Variants in MACROD2 observed in about 807,000 individuals in gnomAD.
MACROD2 encodes mono-ADP ribosylhydrolase 2.
A neutral mutation model predicts 70.4 loss-of-function variants in MACROD2; 36 were observed. The ratio of observed to expected loss-of-function variants is 0.51; its 90% confidence interval spans 0.39 to 0.68. MACROD2 has a LOEUF of 0.68. MACROD2 is among the 30% of genes least tolerant of loss of function. The pLI is 0.00. For synonymous variants in MACROD2, 172 were observed against 178.8 expected (o/e 0.96, Z 0.30); for missense variants, 496 against 538.4 (o/e 0.92, Z 0.78).
intron 5 of MACROD2, among the ~76,000 whole-genome samples, chr20:14,862,618 T>A (rs1189403646): frequency 6.6e-5 from 1 of 15,238 alleles, no homozygotes; most frequent in Non-Finnish European, 1.3e-4. Context: ...TATATATAAA[T>A]ATATATATAT....
intron 8 of MACROD2, among the ~76,000 whole-genome samples, chr20:15,528,261 A>G (rs1032661784): frequency 6.6e-6 from 1 of 152,056 alleles, no homozygotes; most frequent in African/African-American, 2.4e-5. Context: ...CAGCCTCCTG[A>G]GTAGCTGGGA....
Position 15,375,778 on chromosome 20 carries a change from T to G in MACROD2, c.541-55627T>G, listed in dbSNP as rs563638383. On this transcript the variant is annotated intron_variant, in intron 6 of 17. Coordinates refer to ENST00000684519, the MANE Select transcript of MACROD2 (RefSeq NM_001351661.2). The stretch of plus-strand genomic sequence containing the variant: ...AAATTATCATAATGCTATGATAGTT[T>G]TAGCATCTAAACTAGCCTAAAAAGG... Among the ~76,000 whole-genome samples, 3 of 152,308 alleles carry G rather than the reference T, an allele frequency of 2.0e-5. No homozygotes were observed. The South Asian group carries it at 6.2e-4, about 32-fold the overall frequency.
At chr20:14,233,087 T>C (rs1447870783) in intron 3 of MACROD2, among the ~76,000 whole-genome samples, 1 of 152,182 alleles carries the variant, frequency 6.6e-6, no homozygotes, top group Non-Finnish European at 1.5e-5. Flanking sequence ...CACACATTTA[T>C]AGATTAAGTT....
intron 1 of MACROD2, among the ~76,000 whole-genome samples, chr20:14,001,669 G>T (rs1244747630): frequency 6.6e-6 from 1 of 152,148 alleles, no homozygotes; most frequent in Non-Finnish European, 1.5e-5. Flanking sequence ...ATTGGCATCT[G>T]TTAGGTCTTC....
intron 3 of MACROD2, among the ~76,000 whole-genome samples, chr20:14,194,860 A>G (rs965607918): frequency 1.3e-5 from 2 of 152,236 alleles, no homozygotes; most frequent in Non-Finnish European, 2.9e-5. Context: ...AAACATACCA[A>G]CAAGCTTGAG....
At chr20:15,428,601 C>A (rs943159343) in intron 6 of MACROD2, among the ~76,000 whole-genome samples, 23 of 152,318 alleles carry the variant, frequency 1.5e-4, no homozygotes, top group African/African-American at 5.1e-4. Flanking sequence ...CTTATCACTT[C>A]ACCCAATTAA....
chr20:14,846,844 G>T (rs1266457625), intron 5 of MACROD2, among the ~76,000 whole-genome samples: 2 of 152,050 alleles, frequency 1.3e-5, no homozygotes, highest in East Asian at 3.9e-4. Context: ...AGCACTTTAG[G>T]TTTTAATTAA....
chr20:16,016,661 G>A (rs939749156), intron 15 of MACROD2, among the ~76,000 whole-genome samples: 1 of 152,092 alleles, frequency 6.6e-6, no homozygotes. Flanking sequence ...TCAGCCTCCC[G>A]AGTAGCTGGG....
chr20:15,588,404 C>G (rs993194959), intron 8 of MACROD2, among the ~76,000 whole-genome samples: 2 of 152,116 alleles, frequency 1.3e-5, no homozygotes, highest in African/African-American at 2.4e-5. Context: ...ATTTTCCTCA[C>G]GGTCTTAGGG....
At chr20:14,105,918 G>T (rs2054362443) in intron 3 of MACROD2, among the ~76,000 whole-genome samples, 1 of 152,160 alleles carries the variant, frequency 6.6e-6, no homozygotes, top group Non-Finnish European at 1.5e-5. Context: ...GTCCTGGCAG[G>T]ATTCATCACC....
At chr20:14,053,525 A>G (rs1229694934) in intron 2 of MACROD2, 1 of 152,176 alleles carries the variant, frequency 6.6e-6, no homozygotes, top group Non-Finnish European at 1.5e-5. Flanking sequence ...CATTTCATCC[A>G]AGGATGAATG....
intron 5 of MACROD2, among the ~76,000 whole-genome samples, chr20:15,163,376 ACAAT>A (rs1179351247): frequency 6.6e-6 from 1 of 152,036 alleles, no homozygotes; most frequent in African/African-American, 2.4e-5. Context: ...ATGTTATTAG[ACAAT>A]CAAAGATTGA....
chr20:15,292,523 G>C (rs117898784), intron 6 of MACROD2, among the ~76,000 whole-genome samples: 1 of 152,156 alleles, frequency 6.6e-6, no homozygotes, highest in South Asian at 2.1e-4. Context: ...TGGGGACACA[G>C]CCAAACCCTA....
At chr20:14,810,488 G>A (rs2072695834) in intron 5 of MACROD2, among the ~76,000 whole-genome samples, 1 of 152,090 alleles carries the variant, frequency 6.6e-6, no homozygotes, top group Non-Finnish European at 1.5e-5. Context: ...ATATCATACT[G>A]AATGAACAAA....
chr20:15,039,327 G>A (rs1431410540), intron 5 of MACROD2, among the ~76,000 whole-genome samples: 1 of 152,146 alleles, frequency 6.6e-6, no homozygotes, highest in African/African-American at 2.4e-5. Context: ...AAGACACCTG[G>A]CACAAGAAGC....
intron 8 of MACROD2, among the ~76,000 whole-genome samples, chr20:15,846,195 T>C (rs145302123): frequency 1.5e-4 from 23 of 152,324 alleles, no homozygotes; most frequent in Admixed American, 4.6e-4. Flanking sequence ...AACTTTGCAA[T>C]TGACCAGAAC....
intron 3 of MACROD2, among the ~76,000 whole-genome samples, chr20:14,402,009 A>C (rs1472124337): frequency 6.6e-6 from 1 of 152,136 alleles, no homozygotes; most frequent in Non-Finnish European, 1.5e-5. Context: ...GGCTTTGTCA[A>C]TTATTTTAAT....
At chr20:14,005,716 C>T (rs1463418395) in intron 2 of MACROD2, among the ~76,000 whole-genome samples, 1 of 151,976 alleles carries the variant, frequency 6.6e-6, no homozygotes, top group Non-Finnish European at 1.5e-5. Flanking sequence ...AATTCTCCTG[C>T]TGAGCTCCTG....
At chr20:14,668,170 C>T (rs916776137) in intron 4 of MACROD2, among the ~76,000 whole-genome samples, 4 of 151,530 alleles carry the variant, frequency 2.6e-5, no homozygotes, top group Non-Finnish European at 4.4e-5. Context: ...AAAAAAAAGG[C>T]TCTCACTTTT....
Sources: gnomAD v4.1 joint callset for allele counts (sites outside exome capture counted in the v4.1 genomes callset) on GRCh38, gnomAD v4.1.1 for gene constraint, MANE v1.5 for transcripts, NCBI Gene and HGNC (gene_info 2026-07-23, HGNC 2026-07-21) for gene names.